WASHC5: variants seen among roughly 807,000 people sequenced by gnomAD.
WASHC5 encodes WASH complex subunit strumpellin.
Under a neutral mutation model 150.4 loss-of-function variants are expected in WASHC5, and 101 were observed. That is an observed-to-expected ratio of 0.67 (90% CI 0.57 to 0.79). The LOEUF is 0.79. Among genes scored for constraint, WASHC5 ranks in the 30% least tolerant of loss-of-function variants. WASHC5 has a pLI of 0.00. For missense variants in WASHC5, 1,195 were observed against 1,396.3 expected, an observed-to-expected ratio of 0.86 and a Z score of 2.30; for synonymous variants, 467 against 491.2, an observed-to-expected ratio of 0.95 and a Z score of 0.65.
rs1283967831 is a variant in WASHC5, at chr8:125,024,629, T to A, written c.3468A>T (p.Arg1156Ser). The change falls in exon 29 of 29, where the codon AGA (arginine) becomes AGT (serine). Residue 1156 changes from arginine (R) to serine (S), a missense_variant. This residue lies in a region of WASHC5 where 997 missense variants were observed against 1,168.1 expected (regional missense o/e 0.85). Transcript: ENST00000318410. The stretch of plus-strand genomic sequence containing the variant: ...GTAGGAAAAACAGTTACAGCACTGT[T>A]CTGAACTCATCAAAAATGAAATTAG... The part of the protein sequence containing the change: ...HVPNFIFDEF[R>S]TVL The A allele has an allele frequency of 1.2e-6, 2 of 1,610,058 alleles. No homozygotes were observed. The highest frequency in any genetic ancestry group is 1.1e-5 in the South Asian group (1 of 91,008).
At chr8:125,025,542 G>C (rs1815353683) in intron 28 of WASHC5, among the ~76,000 whole-genome samples, 1 of 152,020 alleles carries the variant, frequency 6.6e-6, no homozygotes, top group East Asian at 1.9e-4. Context: ...AAAAAAATCA[G>C]CAGGGCGTGG....
At chr8:125,030,212 T>C (rs934546259) in intron 27 of WASHC5, among the ~76,000 whole-genome samples, 5 of 152,202 alleles carry the variant, frequency 3.3e-5, no homozygotes, top group African/African-American at 9.6e-5. Flanking sequence ...GGTTACTTGC[T>C]AATCACCTCC....
At chr8:125,037,944 G>A (rs1272711118) in intron 25 of WASHC5, among the ~76,000 whole-genome samples, 1 of 152,120 alleles carries the variant, frequency 6.6e-6, no homozygotes, top group African/African-American at 2.4e-5. Flanking sequence ...TAGGAGACAG[G>A]GTAGCACACG....
At chr8:125,031,066 A>G (rs1052869029) in intron 27 of WASHC5, among the ~76,000 whole-genome samples, 4 of 152,192 alleles carry the variant, frequency 2.6e-5, no homozygotes, top group Non-Finnish European at 2.9e-5. Context: ...TTCTAATGAG[A>G]ACAAGACTTA....
At position 125,048,600 on chromosome 8, in the gene WASHC5, A is replaced by G. The variant is rs115838505; in HGVS notation, c.2379+406T>C. Among the ~76,000 whole-genome samples the G allele has an allele frequency of 4.1e-3, 630 of 152,288 alleles. 8 individuals are homozygous for G. Among genetic ancestry groups the G allele is most frequent in the African/African-American group, 0.013 (557 of 41,566 alleles). On this transcript the variant is annotated intron_variant, in intron 19 of 28. Coordinates refer to ENST00000318410, the MANE Select transcript of WASHC5 (RefSeq NM_014846.4). ...TCGTACACTGCTGTTGGGCACATAA[A>G]ATGGTGCCGTTACCGTGGAACACAG...
chr8:125,051,029 C>A (rs10089574), intron 17 of WASHC5, among the ~76,000 whole-genome samples: 16,569 of 152,116 alleles, frequency 0.11, 2,096 homozygotes, highest in African/African-American at 0.31. Context: ...TTTGGAGGGG[C>A]AGGATGAAGG....
intron 4 of WASHC5, 98 bp from the exon 5 acceptor site, chr8:125,081,859 T>G (rs775060682): frequency 2.3e-5 from 18 of 774,094 alleles, no homozygotes; most frequent in Non-Finnish European, 4.1e-5. Flanking sequence ...CTCACACTTC[T>G]TCAAAAAGTT....
chr8:125,076,125 C>G (rs528529639), intron 7 of WASHC5, among the ~76,000 whole-genome samples: 89 of 152,062 alleles, frequency 5.9e-4, no homozygotes, highest in Admixed American at 9.8e-4. Context: ...TTGAGAGTAT[C>G]CATTTTAGAA....
rs1340926359 is a variant in WASHC5 at position 125,059,486 on chromosome 8, A to T, written c.1578T>A (p.Asp526Glu). The T allele has an allele frequency of 6.2e-7, 1 of 1,614,022 alleles. No individual in the cohort carries two copies. Among genetic ancestry groups the T allele is most frequent in the South Asian group, 1.1e-5 (1 of 91,082 alleles). ...SNLQVCQFLA[D>E]TRKFLHQMIR... is the part of the protein sequence containing the mutation. ...TCATTTGATGAAGAAACTTTCGAGT[A>T]TCGGCAAGAAACTGACATACTTGCA... Residue 526 changes from aspartate (D) to glutamate (E), a missense_variant, in exon 13 of 29, where the codon GAT (aspartate) becomes GAA (glutamate). By Grantham distance (45) the Asp-to-Glu change is conservative (BLOSUM62 2). Coordinates refer to ENST00000318410, the MANE Select transcript of WASHC5 (RefSeq NM_014846.4).
chr8:125,084,054 AT>A, intron 1 of WASHC5, 32 bp from the exon 2 acceptor site: 4 of 727,950 alleles, frequency 5.5e-6, no homozygotes, highest in East Asian at 5.4e-5. Flanking sequence ...GAAAATCTCA[AT>A]TTGTTTAAGG....
At chr8:125,054,638 G>A (rs969416095) in intron 17 of WASHC5, among the ~76,000 whole-genome samples, 2 of 151,816 alleles carry the variant, frequency 1.3e-5, no homozygotes, top group African/African-American at 4.8e-5. Context: ...TCAAGACCAC[G>A]GTGAAACCCT....
intron 7 of WASHC5, among the ~76,000 whole-genome samples, chr8:125,075,680 A>G (rs960820800): frequency 1.6e-4 from 24 of 152,192 alleles, no homozygotes; most frequent in Non-Finnish European, 3.2e-4. Context: ...CTGTTCTCAT[A>G]CTACCAATAA....
At chr8:125,062,592 T>G (rs1292705268) in intron 11 of WASHC5, among the ~76,000 whole-genome samples, 1 of 152,246 alleles carries the variant, frequency 6.6e-6, no homozygotes, top group Non-Finnish European at 1.5e-5. Context: ...ATCACATCGT[T>G]ATACGTTGGC....
At chr8:125,079,003 G>T (rs940179123) in intron 5 of WASHC5, 73 bp from the exon 6 acceptor site, 1 of 1,263,558 alleles carries the variant, frequency 7.9e-7, no homozygotes, top group African/African-American at 1.5e-5. Flanking sequence ...CAATAAAGTA[G>T]AATTCCATTC....
intron 1 of WASHC5, among the ~76,000 whole-genome samples, chr8:125,089,835 T>A (rs543394581): frequency 2.6e-5 from 4 of 152,206 alleles, no homozygotes; most frequent in Non-Finnish European, 5.9e-5. Flanking sequence ...ATGAGGAGGA[T>A]AATAATAACC....
In WASHC5 at chr8:125,082,437, A is replaced by G; in HGVS notation, c.363T>C (p.Tyr121=). The G allele has an allele frequency of 1.3e-6, 2 of 1,589,018 alleles. No individual in the cohort carries two copies. The highest frequency in any genetic ancestry group is 1.7e-6 in the Non-Finnish European group (2 of 1,157,554). The change falls in exon 4 of 29, where the codon TAT becomes TAC. Residue 121 remains tyrosine (Y), a synonymous_variant. Transcript: ENST00000318410. ...RYLDDLNEGV[Y]IQQTLETVLL... Reference sequence around the variant, plus strand: ...GCACAGTTTCTAAGGTTTGCTGAATATAAACCCCTTCATTGAGATCATCTA... The same window carrying G: ...GCACAGTTTCTAAGGTTTGCTGAATGTAAACCCCTTCATTGAGATCATCTA...
At chr8:125,081,583 A>G (rs778164126) in intron 5 of WASHC5, 78 bp downstream of exon 5, 3 of 834,574 alleles carry the variant, frequency 3.6e-6, no homozygotes, top group African/African-American at 3.3e-5. Context: ...TGCTGTTCAC[A>G]GTATAAGGAA....
At chr8:125,060,378 C>T (rs920126523) in intron 12 of WASHC5, among the ~76,000 whole-genome samples, 4 of 151,764 alleles carry the variant, frequency 2.6e-5, no homozygotes, top group Admixed American at 2.0e-4. Context: ...CCCAGCTACC[C>T]AGGAGGCTGA....
At chr8:125,065,604 G>A (rs1816722432) in intron 10 of WASHC5, among the ~76,000 whole-genome samples, 1 of 150,926 alleles carries the variant, frequency 6.6e-6, no homozygotes, top group Non-Finnish European at 1.5e-5. Flanking sequence ...TGGTCTGAGG[G>A]CATTTCTTTC....
Sources: allele counts gnomAD v4.1 joint callset (sites outside exome capture counted in the v4.1 genomes callset), GRCh38; gene constraint gnomAD v4.1.1; regional missense constraint gnomAD v4.1.1; transcripts MANE v1.5; gene names NCBI Gene and HGNC (gene_info 2026-07-23, HGNC 2026-07-21).